MACROH2A2: variants seen among roughly 807,000 people sequenced by gnomAD.
MACROH2A2 encodes macroH2A.2 histone, also known as core histone macro-H2A.2.
In MACROH2A2, 6 loss-of-function variants were observed where a neutral mutation model predicts 37.6. The observed-to-expected ratio is 0.16, with a 90% CI of 0.09 to 0.32. MACROH2A2 has a LOEUF of 0.32. MACROH2A2 is among the 10% of genes least tolerant of loss of function. MACROH2A2 has a pLI of 1.00. For synonymous variants in MACROH2A2, 192 were observed against 202.7 expected (o/e 0.95, Z 0.45); for missense variants, 290 against 485.9 (o/e 0.60, Z 3.79).
chr10:70,083,150 T>G (rs1237713707), intron 2 of MACROH2A2, among the ~76,000 whole-genome samples: 1 of 152,100 alleles, frequency 6.6e-6, no homozygotes, highest in Admixed American at 6.5e-5. Context: ...CCCCGGGGTC[T>G]CCAGAGCTGG....
At chr10:70,063,149 A>G (rs868207667) in intron 1 of MACROH2A2, among the ~76,000 whole-genome samples, 58 of 152,342 alleles carry the variant, frequency 3.8e-4, no homozygotes, top group Middle Eastern at 6.8e-3. Context: ...ATGTGGCTCA[A>G]CGTATATCAG....
Position 70,111,759 on chromosome 10 carries a change from G to C in MACROH2A2, c.*76G>C. The stretch of plus-strand genomic sequence containing the variant: ...GGGTTTTGCTTTTTAAAAGGAGAGA[G>C]GAGGGGTGATGGCAGGGGAGTGGAG... On this transcript the variant is annotated 3_prime_UTR_variant, in exon 9 of 9. Transcript: ENST00000373255. 7.5e-7 allele frequency: 1 copy of C among 1,336,736 alleles called. No individual in the cohort carries two copies. The highest frequency in any genetic ancestry group is 1.0e-6 in the Non-Finnish European group (1 of 999,240). 82.8% of individuals were successfully genotyped at this position (1,336,736 alleles called of 1,614,324 possible). A position where few individuals can be genotyped will look rare whatever the true frequency, so the allele number is the denominator to read the frequency against.
At chr10:70,079,376 G>A (rs1032294314) in intron 2 of MACROH2A2, among the ~76,000 whole-genome samples, 1 of 151,930 alleles carries the variant, frequency 6.6e-6, no homozygotes, top group Admixed American at 6.6e-5. Flanking sequence ...GGGTGAACTA[G>A]GGGAAGATAG....
chr10:70,053,872 G>T lies in MACROH2A2; in HGVS notation c.-60+872G>T, dbSNP rs1468865398. ...CGAAAAAGGGAATAAAAGTAAACTG[G>T]CTGCGGCGCAGGAAAGGGCTCTGCC... is the stretch of plus-strand genomic sequence containing the variant. On this transcript the variant is annotated intron_variant, in intron 1 of 8. Coordinates refer to ENST00000373255, the MANE Select transcript of MACROH2A2 (RefSeq NM_018649.3). This position sits in a 1 kb window ranked among gnomAD's most constrained non-coding sequence, Gnocchi z 4.8. Among the ~76,000 whole-genome samples, 1 of 152,114 alleles carries T rather than the reference G, an allele frequency of 6.6e-6. No homozygotes were observed. Among genetic ancestry groups the T allele is most frequent in the Non-Finnish European group, 1.5e-5 (1 of 68,014 alleles).
Position 70,111,690 on chromosome 10 carries a change from CACT to C in MACROH2A2, c.*8_*10del, listed in dbSNP as rs759666752. The C allele has an allele frequency of 6.2e-7, 1 of 1,600,782 alleles. No homozygotes were observed. Among genetic ancestry groups the C allele is most frequent in the Non-Finnish European group, 8.5e-7 (1 of 1,172,400 alleles). The stretch of plus-strand genomic sequence containing the variant: ...CAAGCTCGACGCCAAGTAGCCGCCG[CACT>C]TTCCAGCAGGGATCGGAGGACGACC... On this transcript the variant is annotated 3_prime_UTR_variant, in exon 9 of 9. Coordinates refer to ENST00000373255, the MANE Select transcript of MACROH2A2 (RefSeq NM_018649.3).
intron 1 of MACROH2A2, among the ~76,000 whole-genome samples, chr10:70,064,812 C>A (rs1312201854): frequency 6.6e-6 from 1 of 151,938 alleles, no homozygotes; most frequent in Non-Finnish European, 1.5e-5. Flanking sequence ...CTTTTTGTTC[C>A]CAGTTTTGCA....
chr10:70,062,992 A>T (rs192638291), intron 1 of MACROH2A2, among the ~76,000 whole-genome samples: 6 of 152,262 alleles, frequency 3.9e-5, no homozygotes, highest in Admixed American at 1.3e-4. Flanking sequence ...ACCAATAAAA[A>T]ATTTAACAAA....
rs781465070 is a variant in MACROH2A2 at position 70,111,635 on chromosome 10, G to A, written c.1071G>A (p.Glu357=). ...KNVYFLLFDS[E]SIGIYVQEMA... is the part of the protein sequence containing the mutation. ...TGTACTTCCTGCTCTTCGACAGCGA[G>A]AGCATCGGCATCTACGTGCAGGAGA... is the stretch of plus-strand genomic sequence containing the variant. Residue 357 remains glutamate (E), a synonymous_variant, in exon 9 of 9, where the codon GAG becomes GAA. Transcript: ENST00000373255. 1.2e-6 allele frequency: 2 copies of A among 1,613,352 alleles called. No individual in the cohort carries two copies. The highest frequency in any genetic ancestry group is 1.1e-5 in the South Asian group (1 of 90,872).
intron 8 of MACROH2A2, among the ~76,000 whole-genome samples, chr10:70,110,203 C>G (rs2072361815): frequency 6.6e-6 from 1 of 152,148 alleles, no homozygotes; most frequent in East Asian, 1.9e-4. Flanking sequence ...GGACCTGCTC[C>G]AGGGGTCTCT....
chr10:70,079,356 C>T (rs10999124), intron 2 of MACROH2A2, among the ~76,000 whole-genome samples: 62,608 of 150,582 alleles, frequency 0.42, 13,474 homozygotes, highest in East Asian at 0.55. Flanking sequence ...CAGATTCAGA[C>T]TGGGGGGGCG....
Position 70,075,284 on chromosome 10 carries a change from G to A in MACROH2A2, c.-59-316G>A, listed in dbSNP as rs1369876188. 1.3e-5 allele frequency among the ~76,000 whole-genome samples: 2 copies of A among 152,224 alleles called. No individual in the cohort carries two copies. Among genetic ancestry groups the A allele is most frequent in the Non-Finnish European group, 2.9e-5 (2 of 68,050 alleles). ...AACAGTCACAGGTTCTGGGGATGAG[G>A]AAATTGACATCTTTGGGGATCATTG... On this transcript the variant is annotated intron_variant, in intron 1 of 8. Transcript: ENST00000373255. The surrounding 1 kb of genome is among the most constrained non-coding windows in gnomAD (Gnocchi z 5.0).
At chr10:70,092,677 A>T (rs779629484) in intron 4 of MACROH2A2, among the ~76,000 whole-genome samples, 1 of 152,222 alleles carries the variant, frequency 6.6e-6, no homozygotes, top group Non-Finnish European at 1.5e-5. Context: ...GTTAGAGCTG[A>T]AATGGGTCTT....
chr10:70,079,686 G>C (rs2072164326), intron 2 of MACROH2A2, among the ~76,000 whole-genome samples: 1 of 151,788 alleles, frequency 6.6e-6, no homozygotes, highest in Non-Finnish European at 1.5e-5. Flanking sequence ...TTGTCAAGGA[G>C]CAAGATCAGA....
intron 1 of MACROH2A2, among the ~76,000 whole-genome samples, chr10:70,058,640 A>G (rs905980148): frequency 6.6e-6 from 1 of 151,386 alleles, no homozygotes; most frequent in Non-Finnish European, 1.5e-5. Context: ...CCAATTTTAT[A>G]TATATATATA....
chr10:70,074,850 A>G (rs933128161), intron 1 of MACROH2A2, among the ~76,000 whole-genome samples: 5 of 152,202 alleles, frequency 3.3e-5, no homozygotes, highest in African/African-American at 7.2e-5. Context: ...AGTCTTGGAT[A>G]CATCTTTATT....
chr10:70,064,721 C>T (rs2072069433), intron 1 of MACROH2A2, among the ~76,000 whole-genome samples: 1 of 152,112 alleles, frequency 6.6e-6, no homozygotes, highest in African/African-American at 2.4e-5. Flanking sequence ...TTGCTGCTGC[C>T]ATGTAAGAAG....
chr10:70,093,170 C>A (rs2072256386), intron 4 of MACROH2A2, among the ~76,000 whole-genome samples: 2 of 152,152 alleles, frequency 1.3e-5, no homozygotes, highest in South Asian at 4.1e-4. Flanking sequence ...CTAAGGCACA[C>A]AAGCCAAGGC....
intron 7 of MACROH2A2, among the ~76,000 whole-genome samples, 179 bp from the exon 8 acceptor site, chr10:70,108,854 C>G (rs917762535): frequency 6.6e-6 from 1 of 152,150 alleles, no homozygotes; most frequent in Non-Finnish European, 1.5e-5. Context: ...CTGTGCAAAG[C>G]AATACAGCCC....
chr10:70,094,902 T>G lies in MACROH2A2; in HGVS notation c.589-752T>G, dbSNP rs570438657. Among the ~76,000 whole-genome samples the G allele has an allele frequency of 6.6e-5, 10 of 152,292 alleles. No homozygotes were observed. The East Asian group carries it at 1.9e-3, about 29-fold the overall frequency. ...ACTTCTCTCCAGCAAGGTTATTGGCTTCAGAGCCCTGCCCCACAGATTTTG... is the reference window on the plus strand; with the variant it reads ...ACTTCTCTCCAGCAAGGTTATTGGCGTCAGAGCCCTGCCCCACAGATTTTG... On this transcript the variant is annotated intron_variant, in intron 5 of 8. Coordinates refer to ENST00000373255, the MANE Select transcript of MACROH2A2 (RefSeq NM_018649.3).
Sources: gnomAD v4.1 joint callset for allele counts (sites outside exome capture counted in the v4.1 genomes callset) on GRCh38, gnomAD v4.1.1 for gene constraint, Gnocchi (gnomAD v3.1) non-coding constraint, MANE v1.5 for transcripts, NCBI Gene and HGNC (gene_info 2026-07-23, HGNC 2026-07-21) for gene names.